SNED1: variants seen among roughly 807,000 people sequenced by gnomAD.
SNED1 encodes sushi, nidogen and EGF like domains 1, also known as sushi, nidogen and EGF-like domain-containing protein 1.
SNED1 carries 81 observed loss-of-function variants against 166.7 expected under a neutral mutation model. The observed-to-expected ratio is 0.49, with a 90% confidence interval of 0.41 to 0.58. The LOEUF is 0.58. Ranked by LOEUF, SNED1 falls within the 20% of genes least tolerant of loss-of-function variation. The pLI is 0.00. For synonymous variants in SNED1, 762 were observed against 822.0 expected, an observed-to-expected ratio of 0.93 and a Z score of 1.25; for missense variants, 1,604 against 2,000.2, an observed-to-expected ratio of 0.80 and a Z score of 3.78.
In SNED1 at chr2:241,070,009, C is replaced by G; in HGVS notation, c.3397C>G (p.Leu1133Val). ...GGATGCCCCGACTCCAGGCAGCTTG[C>G]TGGAGGCTTATGTCATCAATGTGAC... The part of the protein sequence containing the change: ...VWDAPTPGSL[L>V]EAYVINVTTS... Residue 1133 changes from leucine to valine, a missense_variant, in exon 24 of 32, where the codon CTG becomes GTG. This residue lies in a region of SNED1 where 1,237 missense variants were observed against 1,620.8 expected (regional missense o/e 0.76). Transcript: ENST00000310397. The G allele has an allele frequency of 6.2e-7, 1 of 1,613,000 alleles. No individual in the cohort carries two copies. Among genetic ancestry groups the G allele is most frequent in the Non-Finnish European group, 8.5e-7 (1 of 1,179,892 alleles).
Position 241,013,448 on chromosome 2 carries a change from C to T in SNED1, c.213+14398C>T, listed in dbSNP as rs912609763. 7.9e-5 allele frequency among the ~76,000 whole-genome samples: 12 copies of T among 152,170 alleles called. No homozygotes were observed. Among genetic ancestry groups the T allele is most frequent in the African/African-American group, 2.9e-4 (12 of 41,430 alleles). On this transcript the variant is annotated intron_variant, in intron 1 of 31. Coordinates refer to ENST00000310397, the MANE Select transcript of SNED1 (RefSeq NM_001080437.3). The surrounding 1 kb of genome is among the most constrained non-coding windows in gnomAD (Gnocchi z 4.6). ...AGCCACACCCCACTCCACCCCACCC[C>T]GCTGGCCCTAGTAGCTGGGATTATA...
chr2:241,054,176 C>CA (rs1191164181), intron 16 of SNED1, among the ~76,000 whole-genome samples: 1 of 152,198 alleles, frequency 6.6e-6, no homozygotes, highest in Non-Finnish European at 1.5e-5. Flanking sequence ...ATGACCCCCC[C>CA]TCCCAATGCT....
rs1197690060 is a variant in SNED1 at position 241,092,694 on chromosome 2, A to G, written c.*1058A>G. 1.3e-5 allele frequency: 2 copies of G among 152,272 alleles called. No homozygotes were observed. Among genetic ancestry groups the G allele is most frequent in the Non-Finnish European group, 2.9e-5 (2 of 68,060 alleles). The allele number at this position is 152,272 out of a possible 1,614,324, so 9.4% of individuals were successfully genotyped here. A position where few individuals can be genotyped will look rare whatever the true frequency, so the allele number is the denominator to read the frequency against. On this transcript the variant is annotated 3_prime_UTR_variant, in exon 32 of 32. Transcript: ENST00000310397. This position sits in a 1 kb window ranked among gnomAD's most constrained non-coding sequence, Gnocchi z 4.6. ...ACCTGGGCTGGGCTGGACAATGTTTAAGGTTCCTTTTAGTCCATGACTCAA... is the reference window on the plus strand; with the variant it reads ...ACCTGGGCTGGGCTGGACAATGTTTGAGGTTCCTTTTAGTCCATGACTCAA...
In SNED1 at chr2:241,051,934, C is replaced by T; in HGVS notation, c.1852+74C>T. The T allele has an allele frequency of 1.4e-6, 2 of 1,473,116 alleles. No homozygotes were observed. Among genetic ancestry groups the T allele is most frequent in the South Asian group, 1.2e-5 (1 of 80,898 alleles). 91.3% of individuals were successfully genotyped at this position (1,473,116 alleles called of 1,614,324 possible). ...TGAGCTGGGGCCCCTGATGCACCCTCCCTGCCAGCTGTGGGTCTGCTTCTC... is the reference window on the plus strand; with the variant it reads ...TGAGCTGGGGCCCCTGATGCACCCTTCCTGCCAGCTGTGGGTCTGCTTCTC... On this transcript the variant is annotated intron_variant, in intron 13 of 31. Transcript: ENST00000310397. This position sits in a 1 kb window ranked among gnomAD's most constrained non-coding sequence, Gnocchi z 4.7.
Position 241,039,279 on chromosome 2 carries a change from C to T in SNED1, c.1046-796C>T, listed in dbSNP as rs375111388. The stretch of plus-strand genomic sequence containing the variant: ...ATCAGCCACCAAAGGGCTTTCACAC[C>T]TCCTGGGGGAGTAGTCAGGCCCTCC... On this transcript the variant is annotated intron_variant, in intron 6 of 31. Coordinates refer to ENST00000310397, the MANE Select transcript of SNED1 (RefSeq NM_001080437.3). Among the ~76,000 whole-genome samples, 208 of 152,298 alleles carry T rather than the reference C, an allele frequency of 1.4e-3. 1 individual carries two copies. The Middle Eastern group carries it at 0.02, about 15-fold the overall frequency.
chr2:241,089,157 A>G lies in SNED1; in HGVS notation c.*1+755A>G, dbSNP rs543853367. The G allele has an allele frequency of 1.8e-4, 135 of 760,192 alleles. 1 individual carries two copies. In the Middle Eastern group the frequency reaches 3.5e-3, roughly 20 times the overall value. The allele number at this position is 760,192 out of a possible 1,614,324, so 47.1% of individuals were successfully genotyped here. A position where few individuals can be genotyped will look rare whatever the true frequency, so the allele number is the denominator to read the frequency against. ...AGACTGGGATATACCATAGAAAGCCATCTACAACCTGTTACCAGTTTCATA... is the reference window on the plus strand; with the variant it reads ...AGACTGGGATATACCATAGAAAGCCGTCTACAACCTGTTACCAGTTTCATA... On this transcript the variant is annotated intron_variant, in intron 31 of 31. Transcript: ENST00000310397.
intron 27 of SNED1, among the ~76,000 whole-genome samples, chr2:241,078,337 C>T (rs1365459158): frequency 8.8e-5 from 13 of 147,732 alleles, no homozygotes; most frequent in South Asian, 8.5e-4. Context: ...GAGGTGAGAT[C>T]GCGCCACTGC....
intron 1 of SNED1, chr2:241,010,508 C>G (rs2060357943): frequency 6.6e-6 from 1 of 152,526 alleles, no homozygotes; most frequent in Non-Finnish European, 1.5e-5. Context: ...CTCCAAGTCC[C>G]CAAGTCACTG....
At chr2:241,080,594 G>A (rs966366847) in intron 27 of SNED1, among the ~76,000 whole-genome samples, 1 of 152,242 alleles carries the variant, frequency 6.6e-6, no homozygotes, top group Admixed American at 6.5e-5. Flanking sequence ...CAAAACAGCA[G>A]ACCATGTCCT....
chr2:241,032,488 G>GT (rs2061211957), intron 2 of SNED1, among the ~76,000 whole-genome samples: 1 of 149,610 alleles, frequency 6.7e-6, no homozygotes, highest in Admixed American at 6.7e-5. Flanking sequence ...CTGTCGTGGG[G>GT]TGGGGGGGTC....
intron 4 of SNED1, among the ~76,000 whole-genome samples, chr2:241,036,143 C>T (rs908277317): frequency 1.3e-4 from 19 of 146,758 alleles, no homozygotes; most frequent in Middle Eastern, 3.5e-3. Context: ...GAGAGCACCG[C>T]GCGCTCATGG....
In SNED1 at chr2:241,013,390, C is replaced by T. The variant is rs1459444633; in HGVS notation, c.213+14340C>T. On this transcript the variant is annotated intron_variant, in intron 1 of 31. Transcript: ENST00000310397. The surrounding 1 kb of genome is among the most constrained non-coding windows in gnomAD (Gnocchi z 4.6). Reference sequence around the variant, plus strand: ...GCCTGAGCCTAGCTCACTGTAACCTCGAACTCATGGGCTCCAGTGATCCTC... The same window carrying T: ...GCCTGAGCCTAGCTCACTGTAACCTTGAACTCATGGGCTCCAGTGATCCTC... Among the ~76,000 whole-genome samples the T allele has an allele frequency of 6.6e-6, 1 of 152,234 alleles. No individual in the cohort carries two copies. Among genetic ancestry groups the T allele is most frequent in the African/African-American group, 2.4e-5 (1 of 41,456 alleles).
chr2:241,087,756 G>A (rs2063659941), intron 30 of SNED1: 1 of 1,226,942 alleles, frequency 8.2e-7, no homozygotes, highest in Non-Finnish European at 1.0e-6. Context: ...CAATTGGGAA[G>A]CACAGGGTGT....
intron 6 of SNED1, among the ~76,000 whole-genome samples, chr2:241,039,157 C>T (rs934407157): frequency 6.6e-6 from 1 of 152,202 alleles, no homozygotes; most frequent in Non-Finnish European, 1.5e-5. Context: ...GCCCCCAGAA[C>T]CCATAACAGC....
chr2:241,070,623 G>C (rs1401197069), intron 24 of SNED1, among the ~76,000 whole-genome samples: 1 of 152,216 alleles, frequency 6.6e-6, no homozygotes, highest in East Asian at 1.9e-4. Context: ...GGGCCTGCAA[G>C]GCAGGCAGGA....
At position 241,063,652 on chromosome 2, in the gene SNED1, T is replaced by C. The variant is rs760444100; in HGVS notation, c.2437T>C (p.Tyr813His). ...GGSCRNLPGAYVCRCPAGFVG... is the reference protein window; with the variant it reads ...GGSCRNLPGAHVCRCPAGFVG... ...GTCCTGCAGGAACCTCCCAGGGGCC[T>C]ATGTCTGCCGGTGCCCTGCAGGCTT... Residue 813 changes from tyrosine (Y) to histidine (H), a missense_variant, in exon 18 of 32, where the codon TAT (tyrosine) becomes CAT (histidine). By Grantham distance (83) the Tyr-to-His change is moderately conservative. Transcript: ENST00000310397. The C allele has an allele frequency of 1.9e-6, 3 of 1,612,452 alleles. No homozygotes were observed. Among genetic ancestry groups the C allele is most frequent in the Non-Finnish European group, 2.5e-6 (3 of 1,179,328 alleles).
intron 29 of SNED1, among the ~76,000 whole-genome samples, chr2:241,086,068 T>A (rs1428594570): frequency 6.6e-6 from 1 of 152,108 alleles, no homozygotes; most frequent in Non-Finnish European, 1.5e-5. Context: ...GGTTTCACCA[T>A]GTTGGCCAGG....
intron 10 of SNED1, 61 bp from the exon 11 acceptor site, chr2:241,048,961 G>C: frequency 6.9e-7 from 1 of 1,454,920 alleles, no homozygotes. Flanking sequence ...CCTTGACAAG[G>C]ACTCGAGGTC....
chr2:241,067,991 G>C, intron 22 of SNED1, 44 bp downstream of exon 22: 1 of 1,563,652 alleles, frequency 6.4e-7, no homozygotes, highest in Non-Finnish European at 8.7e-7. Flanking sequence ...TGAAGGCAGG[G>C]GTGGGGGCTC....
Sources: allele counts gnomAD v4.1 joint callset (sites outside exome capture counted in the v4.1 genomes callset), GRCh38; gene constraint gnomAD v4.1.1; regional missense constraint gnomAD v4.1.1; non-coding constraint Gnocchi (gnomAD v3.1); transcripts MANE v1.5; gene names NCBI Gene and HGNC (gene_info 2026-07-23, HGNC 2026-07-21).